TACC2: variants seen among roughly 807,000 people sequenced by gnomAD.
TACC2 encodes transforming acidic coiled-coil containing protein 2, also known as transforming acidic coiled-coil-containing protein 2.
TACC2 carries 137 observed loss-of-function variants against 227.3 expected under a neutral mutation model. The ratio of observed to expected loss-of-function variants is 0.60; its 90% confidence interval spans 0.52 to 0.69. The LOEUF (loss-of-function observed/expected upper bound fraction) is 0.69, where lower values mean the gene tolerates loss of function less well. Among genes scored for constraint, TACC2 ranks in the 30% least tolerant of loss-of-function variants. TACC2 has a pLI of 0.00. For missense variants in TACC2, 3,470 were observed against 3,694.4 expected, an observed-to-expected ratio of 0.94 and a Z score of 1.57; for synonymous variants, 1,523 against 1,487.5, an observed-to-expected ratio of 1.02 and a Z score of -0.55.
In TACC2 at chr10:122,176,095, CTCTCTCTCTCTCTCTCTCTCTCTA is replaced by C. The variant is rs1208842747; in HGVS notation, c.5835-18943_5835-18920del. The stretch of plus-strand genomic sequence containing the variant: ...ACCTTCTCTCTCTCTCTCTCTCTCT[CTCTCTCTCTCTCTCTCTCTCTCTA>C]TATATATATATATATATATATATAT... On this transcript the variant is annotated intron_variant, in intron 7 of 22. Coordinates refer to ENST00000369005, the MANE Select transcript of TACC2 (RefSeq NM_206862.4). Among the ~76,000 whole-genome samples, 44 of 83,616 alleles carry C rather than the reference CTCTCTCTCTCTCTCTCTCTCTCTA, an allele frequency of 5.3e-4. No individual in the cohort carries two copies. In the East Asian group the frequency reaches 6.3e-3, roughly 12 times the overall value. 54.9% of individuals were successfully genotyped at this position (83,616 alleles called of 152,430 possible).
chr10:122,186,326 C>G (rs1469562759), intron 7 of TACC2, among the ~76,000 whole-genome samples: 1 of 151,978 alleles, frequency 6.6e-6, no homozygotes, highest in Non-Finnish European at 1.5e-5. Context: ...GAGACCGAGG[C>G]AGGAGGGTCG....
At chr10:122,163,669 A>ACGCCGGCCACACTCGGGTGCG in intron 7 of TACC2, 1 of 1,040,844 alleles carries the variant, frequency 9.6e-7, no homozygotes, top group Non-Finnish European at 1.2e-6. Flanking sequence ...AGAGCCGCGC[A>ACGCCGGCCACACTCGGGTGCG]CGCCGGCCAC....
chr10:122,016,901 T>A (rs932253480), intron 1 of TACC2, among the ~76,000 whole-genome samples: 12 of 152,176 alleles, frequency 7.9e-5, no homozygotes, highest in African/African-American at 2.9e-4. Context: ...GGGTGCCTAA[T>A]CCAACATGAC....
At chr10:122,200,603 C>T (rs1179466064) in intron 8 of TACC2, among the ~76,000 whole-genome samples, 1 of 149,996 alleles carries the variant, frequency 6.7e-6, no homozygotes, top group African/African-American at 2.5e-5. Flanking sequence ...CCCACAGTGG[C>T]CACATCTACA....
intron 2 of TACC2, among the ~76,000 whole-genome samples, chr10:122,026,199 G>C (rs113714848): frequency 0.02 from 3,050 of 150,234 alleles, 47 homozygotes; most frequent in Middle Eastern, 0.042. Flanking sequence ...ATGGTGGGGG[G>C]CATCTGTACT....
intron 11 of TACC2, among the ~76,000 whole-genome samples, chr10:122,220,576 T>G (rs1486025164): frequency 6.6e-6 from 1 of 152,098 alleles, no homozygotes; most frequent in South Asian, 2.1e-4. Context: ...CACCCAGGGG[T>G]GCTGATGTGA....
At chr10:122,152,723 A>G (rs2092167224) in intron 7 of TACC2, among the ~76,000 whole-genome samples, 1 of 152,144 alleles carries the variant, frequency 6.6e-6, no homozygotes, top group Admixed American at 6.5e-5. Flanking sequence ...AGTTGGGGAA[A>G]TGGGCCGAGC....
intron 1 of TACC2, among the ~76,000 whole-genome samples, chr10:122,001,851 C>A (rs1954400708): frequency 6.6e-6 from 1 of 152,098 alleles, no homozygotes; most frequent in South Asian, 2.1e-4. Flanking sequence ...TTATATCTAC[C>A]TTTTCCAGTA....
rs145267805 is a variant in TACC2 at position 122,209,324 on chromosome 10, A to AG, written c.5972-1072dup. Among the ~76,000 whole-genome samples, 1 of 152,330 alleles carries AG rather than the reference A, an allele frequency of 6.6e-6. No homozygotes were observed. The highest frequency in any genetic ancestry group is 2.4e-5 in the African/African-American group (1 of 41,582). ...TCTTCACAGTGGCTCTGAGGAGTCA[A>AG]GAACAGGCTTGCTGGTGGCCGTGGC... On this transcript the variant is annotated intron_variant, in intron 8 of 22. Coordinates refer to ENST00000369005, the MANE Select transcript of TACC2 (RefSeq NM_206862.4). The surrounding 1 kb of genome is among the most constrained non-coding windows in gnomAD (Gnocchi z 4.5).
intron 7 of TACC2, among the ~76,000 whole-genome samples, chr10:122,178,109 T>C (rs2093807713): frequency 6.6e-6 from 1 of 152,220 alleles, no homozygotes; most frequent in African/African-American, 2.4e-5. Flanking sequence ...AAGTCTTAGA[T>C]GAAGTTAGAT....
At chr10:122,077,989 G>A (rs929165655) in intron 3 of TACC2, among the ~76,000 whole-genome samples, 6 of 152,060 alleles carry the variant, frequency 3.9e-5, no homozygotes, top group South Asian at 2.1e-4. Context: ...GAAGTCAGGA[G>A]TTAGAGACCA....
intron 6 of TACC2, among the ~76,000 whole-genome samples, chr10:122,137,706 C>T (rs2089932240): frequency 6.6e-6 from 1 of 152,204 alleles, no homozygotes; most frequent in Non-Finnish European, 1.5e-5. Context: ...CACCTGCTGA[C>T]AACCCAGATA....
chr10:122,172,097 C>T (rs552909211), intron 7 of TACC2, among the ~76,000 whole-genome samples: 1 of 152,164 alleles, frequency 6.6e-6, no homozygotes, highest in African/African-American at 2.4e-5. Context: ...CCTGTTGAGA[C>T]TGGCCTGAGT....
intron 11 of TACC2, among the ~76,000 whole-genome samples, chr10:122,222,877 C>T (rs1238159642): frequency 6.6e-6 from 1 of 152,096 alleles, no homozygotes; most frequent in Non-Finnish European, 1.5e-5. Context: ...CGTAATGATA[C>T]CTTAGAAGAG....
rs149524584 is a variant in TACC2, at chr10:122,086,618, G to A, written c.4118G>A (p.Ser1373Asn). The change falls in exon 4 of 23, where the codon AGC becomes AAC. Residue 1373 changes from serine to asparagine, a missense_variant. Ser to Asn is a conservative substitution (Grantham distance 46, BLOSUM62 1). Transcript: ENST00000369005. ...GATGCAGCAGGAGAGACAGAGGGCA[G>A]CATGGAGAGGATGGGAGAGCCTTCC... ...AGDAAGETEG[S>N]MERMGEPSQD... The A allele has an allele frequency of 8.1e-6, 13 of 1,599,572 alleles. No individual in the cohort carries two copies. Among genetic ancestry groups the A allele is most frequent in the Non-Finnish European group, 8.5e-6 (10 of 1,172,754 alleles).
chr10:122,240,126 G>A (rs1285726544), intron 18 of TACC2, among the ~76,000 whole-genome samples: 1 of 152,116 alleles, frequency 6.6e-6, no homozygotes, highest in African/African-American at 2.4e-5. Context: ...GCCTCTTAGG[G>A]TCATTGTGAG....
chr10:122,150,214 G>A lies in TACC2; in HGVS notation c.5834+6508G>A, dbSNP rs2091894088. On this transcript the variant is annotated intron_variant, in intron 7 of 22. Coordinates refer to ENST00000369005, the MANE Select transcript of TACC2 (RefSeq NM_206862.4). The surrounding 1 kb of genome is among the most constrained non-coding windows in gnomAD (Gnocchi z 4.0). ...AAGCTGCAAAGCTTCAGCTTGTGAC[G>A]CCATCTGGGCGGCAGTCCCACGGCC... is the stretch of plus-strand genomic sequence containing the variant. Among the ~76,000 whole-genome samples the A allele has an allele frequency of 6.6e-6, 1 of 152,230 alleles. No homozygotes were observed. Among genetic ancestry groups the A allele is most frequent in the Non-Finnish European group, 1.5e-5 (1 of 68,050 alleles).
In TACC2 at chr10:122,132,082, G is replaced by GGAAGGAAGGAAGAA. The variant is rs1555059268; in HGVS notation, c.5574-527_5574-526insGAAGGAAGGAAGAA. On this transcript the variant is annotated intron_variant, in intron 5 of 22. Transcript: ENST00000369005. The stretch of plus-strand genomic sequence containing the variant: ...AAAGAAAGAAAAAGAAAGAAAGAAA[G>GGAAGGAAGGAAGAA]AGAAAGATCTACAAAGGTTTCTAAA... 2.6e-4 allele frequency among the ~76,000 whole-genome samples: 35 copies of GGAAGGAAGGAAGAA among 136,094 alleles called. 1 individual carries two copies. Among genetic ancestry groups the GGAAGGAAGGAAGAA allele is most frequent in the African/African-American group, 6.5e-4 (22 of 33,934 alleles). 89.3% of individuals were successfully genotyped at this position (136,094 alleles called of 152,430 possible). A position where few individuals can be genotyped will look rare whatever the true frequency, so the allele number is the denominator to read the frequency against.
chr10:122,064,070 A>G (rs1368896323), intron 3 of TACC2, among the ~76,000 whole-genome samples: 1 of 152,048 alleles, frequency 6.6e-6, no homozygotes, highest in African/African-American at 2.4e-5. Context: ...GCTGAGGCAG[A>G]AGAATCGCTT....
Sources: gnomAD v4.1 joint callset for allele counts (sites outside exome capture counted in the v4.1 genomes callset) on GRCh38, gnomAD v4.1.1 for gene constraint, Gnocchi (gnomAD v3.1) non-coding constraint, MANE v1.5 for transcripts, NCBI Gene and HGNC (gene_info 2026-07-23, HGNC 2026-07-21) for gene names.